Variants in SHANK2 observed in about 807,000 individuals in gnomAD.
SHANK2 encodes the protein SH3 and multiple ankyrin repeat domains protein 2.
A neutral mutation model predicts 133.7 loss-of-function variants in SHANK2; 43 were observed. The observed-to-expected ratio is 0.32, with a 90% confidence interval of 0.25 to 0.41. The LOEUF (loss-of-function observed/expected upper bound fraction) is 0.41. Among genes scored for constraint, SHANK2 ranks in the 10% least tolerant of loss-of-function variants. SHANK2 has a pLI of 1.00. For missense variants in SHANK2, 1,994 were observed against 2,235.8 expected, an observed-to-expected ratio of 0.89 and a Z score of 2.18; for synonymous variants, 1,017 against 952.8, an observed-to-expected ratio of 1.07 and a Z score of -1.24.
At chr11:70,683,886 C>T (rs556050197) in intron 15 of SHANK2, among the ~76,000 whole-genome samples, 11 of 151,966 alleles carry the variant, frequency 7.2e-5, no homozygotes, top group African/African-American at 2.7e-4. Context: ...TGGGTTCAAA[C>T]GATTCTCGTG....
chr11:70,903,623 C>T (rs1193401508), intron 10 of SHANK2, among the ~76,000 whole-genome samples: 3 of 152,066 alleles, frequency 2.0e-5, no homozygotes, highest in Admixed American at 1.3e-4. Flanking sequence ...GGCTTGTCCA[C>T]GAGGGGCTGG....
chr11:70,876,241 TAGACAC>T (rs1186137383), intron 11 of SHANK2, among the ~76,000 whole-genome samples: 1 of 14,862 alleles, frequency 6.7e-5, no homozygotes, highest in African/African-American at 1.0e-4. Context: ...CACACACATA[TAGACAC>T]ACACACACAC....
chr11:70,577,419 T>C (rs1303029889), intron 17 of SHANK2, among the ~76,000 whole-genome samples: 2 of 152,124 alleles, frequency 1.3e-5, no homozygotes, highest in Non-Finnish European at 2.9e-5. Flanking sequence ...ATCTCTGGGC[T>C]GGGGAAAGTC....
At chr11:70,865,654 C>A (rs1009444024) in intron 11 of SHANK2, among the ~76,000 whole-genome samples, 1 of 152,206 alleles carries the variant, frequency 6.6e-6, no homozygotes, top group Non-Finnish European at 1.5e-5. Flanking sequence ...CAAAATTGCT[C>A]TTGAGTCTGC....
intron 17 of SHANK2, among the ~76,000 whole-genome samples, chr11:70,511,375 C>T (rs1463063848): frequency 6.6e-6 from 1 of 152,196 alleles, no homozygotes; most frequent in Non-Finnish European, 1.5e-5. Context: ...ACTTTGGAAC[C>T]AGCTACAGTC....
At chr11:70,801,778 G>A (rs181574000) in intron 13 of SHANK2, among the ~76,000 whole-genome samples, 1 of 152,134 alleles carries the variant, frequency 6.6e-6, no homozygotes, top group East Asian at 1.9e-4. Context: ...GGAACACTAG[G>A]GTGAATTCTG....
chr11:71,205,529 G>A (rs1430624085), intron 2 of SHANK2, among the ~76,000 whole-genome samples: 4 of 152,212 alleles, frequency 2.6e-5, no homozygotes, highest in African/African-American at 7.2e-5. Context: ...GTGCCAGGAC[G>A]GAGAGTCCCC....
At chr11:71,238,712 A>T (rs1297492578) in intron 1 of SHANK2, among the ~76,000 whole-genome samples, 1 of 152,180 alleles carries the variant, frequency 6.6e-6, no homozygotes, top group Non-Finnish European at 1.5e-5. Flanking sequence ...GTGACACTCA[A>T]CTCTGCTGGG....
At chr11:71,096,521 C>T (rs1261354489) in intron 6 of SHANK2, among the ~76,000 whole-genome samples, 1 of 152,136 alleles carries the variant, frequency 6.6e-6, no homozygotes, top group Non-Finnish European at 1.5e-5. Flanking sequence ...TGTCCGAGGG[C>T]ATCTGGGGAG....
At chr11:70,712,418 C>T (rs1482059813) in intron 14 of SHANK2, among the ~76,000 whole-genome samples, 1 of 152,190 alleles carries the variant, frequency 6.6e-6, no homozygotes, top group Non-Finnish European at 1.5e-5. Context: ...CTATTGTGCC[C>T]ACCATAACCA....
chr11:70,704,862 T>C (rs1945623850), intron 14 of SHANK2, among the ~76,000 whole-genome samples: 1 of 152,244 alleles, frequency 6.6e-6, no homozygotes, highest in Non-Finnish European at 1.5e-5. Flanking sequence ...CAGACACTAC[T>C]TCTTAGCTCT....
At chr11:70,514,126 G>C (rs1271233285) in intron 17 of SHANK2, among the ~76,000 whole-genome samples, 2 of 152,180 alleles carry the variant, frequency 1.3e-5, no homozygotes, top group African/African-American at 4.8e-5. Flanking sequence ...AAAGCAGCCA[G>C]AGAAATTATT....
chr11:71,058,147 A>AGAG (rs1175344726), intron 9 of SHANK2, among the ~76,000 whole-genome samples: 5 of 151,968 alleles, frequency 3.3e-5, no homozygotes, highest in Non-Finnish European at 7.4e-5. Flanking sequence ...TGCCTGCCTC[A>AGAG]GCCTCCCGAA....
chr11:70,942,487 C>G, intron 10 of SHANK2: 1 of 454,256 alleles, frequency 2.2e-6, no homozygotes, highest in Non-Finnish European at 4.4e-6. Flanking sequence ...AGGGATCTGC[C>G]CCAGAACCCA....
chr11:70,576,510 G>A (rs2060118360), intron 17 of SHANK2, among the ~76,000 whole-genome samples: 1 of 152,212 alleles, frequency 6.6e-6, no homozygotes, highest in Non-Finnish European at 1.5e-5. Flanking sequence ...GGTGGTGGGT[G>A]CCTGCAGTCC....
intron 11 of SHANK2, among the ~76,000 whole-genome samples, chr11:70,837,991 A>AG (rs1948847390): frequency 1.3e-5 from 2 of 150,502 alleles, no homozygotes; most frequent in East Asian, 1.9e-4. Context: ...AAAAAAAAAA[A>AG]AAAAAAAAAA....
intron 17 of SHANK2, among the ~76,000 whole-genome samples, chr11:70,551,386 T>A (rs1591569437): frequency 1.5e-5 from 2 of 129,612 alleles, no homozygotes; most frequent in African/African-American, 5.9e-5. Flanking sequence ...GGACGGGGAG[T>A]GGAGCTCTAC....
chr11:71,131,451 G>T (rs1380622842), intron 3 of SHANK2, among the ~76,000 whole-genome samples: 17 of 152,204 alleles, frequency 1.1e-4, no homozygotes, highest in Non-Finnish European at 1.6e-4. Flanking sequence ...TTTCCAATCA[G>T]AACATTTTTC....
intron 14 of SHANK2, among the ~76,000 whole-genome samples, chr11:70,720,422 T>C (rs1410757107): frequency 1.3e-5 from 2 of 152,230 alleles, no homozygotes; most frequent in African/African-American, 2.4e-5. Context: ...TGGAGGAATG[T>C]CCCTGGCATT....
Sources: allele counts gnomAD v4.1 joint callset (sites outside exome capture counted in the v4.1 genomes callset), GRCh38; gene constraint gnomAD v4.1.1; transcripts MANE v1.5; gene names NCBI Gene and HGNC (gene_info 2026-07-23, HGNC 2026-07-21).